NGFR: variants seen among roughly 807,000 people sequenced by gnomAD.
NGFR encodes the protein tumor necrosis factor receptor superfamily member 16.
In NGFR, 30 loss-of-function variants were observed where a neutral mutation model predicts 43.2. That is an observed-to-expected ratio of 0.69 (90% confidence interval 0.52 to 0.94). The LOEUF (loss-of-function observed/expected upper bound fraction) is 0.94. Among genes scored for constraint, NGFR ranks in the 40% least tolerant of loss-of-function variants. NGFR has a pLI of 0.00. For missense variants in NGFR, 529 were observed against 602.5 expected (o/e 0.88, Z 1.28); for synonymous variants, 246 against 259.6 (o/e 0.95, Z 0.50).
At chr17:49,502,941 G>T (rs2071176675) in intron 2 of NGFR, among the ~76,000 whole-genome samples, 1 of 145,336 alleles carries the variant, frequency 6.9e-6, no homozygotes, top group Non-Finnish European at 1.5e-5. Context: ...CTTCAACAGA[G>T]TTTTGCTCTG....
In NGFR at chr17:49,509,432, C is replaced by T. The variant is rs941333960; in HGVS notation, c.569-980C>T. Among the ~76,000 whole-genome samples, 9 of 152,198 alleles carry T rather than the reference C, an allele frequency of 5.9e-5. No homozygotes were observed. The East Asian group carries it at 1.2e-3, about 20-fold the overall frequency. ...ATTGCCCAGACAAGTATCCCCAGGC[C>T]GTCCAGAGCCCACAACCCCTAGCAC... On this transcript the variant is annotated intron_variant, in intron 3 of 5. Transcript: ENST00000172229.
intron 1 of NGFR, among the ~76,000 whole-genome samples, chr17:49,501,157 G>A (rs1040374851): frequency 3.9e-5 from 6 of 152,148 alleles, no homozygotes; most frequent in South Asian, 2.1e-4. Flanking sequence ...TTACATCCAC[G>A]AGCAAAGATG....
In NGFR at chr17:49,495,332, G is replaced by T. The variant is rs547890128; in HGVS notation, c.-86G>T. The T allele has an allele frequency of 3.6e-4, 383 of 1,076,594 alleles. 2 individuals carry two copies. The East Asian group carries it at 0.012, about 34-fold the overall frequency. 66.7% of individuals were successfully genotyped at this position (1,076,594 alleles called of 1,614,324 possible). ...CGCGGCCAGCTCCGGCGGGCAGGGG[G>T]GGCGCTGGAGCGCAGCGCAGCGCAG... is the stretch of plus-strand genomic sequence containing the variant. On this transcript the variant is annotated 5_prime_UTR_variant, in exon 1 of 6. Transcript: ENST00000172229. This position sits in a 1 kb window ranked among gnomAD's most constrained non-coding sequence, Gnocchi z 6.4.
chr17:49,502,018 C>CCCCCAA, intron 1 of NGFR, 45 bp from the exon 2 acceptor site: 1 of 1,320,364 alleles, frequency 7.6e-7, no homozygotes, highest in African/African-American at 1.5e-5. Context: ...CAACCCACCC[C>CCCCCAA]AGCTTTCTCT....
In NGFR at chr17:49,513,099, G is replaced by A. The variant is rs1399409276; in HGVS notation, c.*90G>A. The A allele has an allele frequency of 4.4e-6, 6 of 1,364,786 alleles. No individual in the cohort carries two copies. Among genetic ancestry groups the A allele is most frequent in the Non-Finnish European group, 5.8e-6 (6 of 1,034,508 alleles). 84.5% of individuals were successfully genotyped at this position (1,364,786 alleles called of 1,614,324 possible). On this transcript the variant is annotated 3_prime_UTR_variant, in exon 6 of 6. Transcript: ENST00000172229. ...GGAGCCCGCACCCCCACCCTTTGGG[G>A]GGGGCCCGCCTGGCAGAACTGAGCT...
intron 2 of NGFR, 149 bp downstream of exon 2, chr17:49,502,353 A>G: frequency 1.2e-6 from 1 of 830,654 alleles, no homozygotes; most frequent in African/African-American, 1.7e-5. Flanking sequence ...GACCCAGTGT[A>G]GGAGGCGCTT....
Position 49,502,824 on chromosome 17 carries a change from C to CTTCCT in NGFR, c.208+622_208+626dup, listed in dbSNP as rs1307564903. Among the ~76,000 whole-genome samples, 427 of 119,468 alleles carry CTTCCT rather than the reference C, an allele frequency of 3.6e-3. 2 individuals carry two copies. The highest frequency in any genetic ancestry group is 0.013 in the African/African-American group (398 of 31,152). 78.4% of individuals were successfully genotyped at this position (119,468 alleles called of 152,430 possible). A position where few individuals can be genotyped will look rare whatever the true frequency, so the allele number is the denominator to read the frequency against. On this transcript the variant is annotated intron_variant, in intron 2 of 5. Transcript: ENST00000172229. ...ATTCCTGCCTGGGATTTCTTCCTTC[C>CTTCCT]TTCCTTCCTTCCTTCCTTCCTTCCT...
chr17:49,511,064 A>G (rs11466157), intron 4 of NGFR: 3,080 of 167,736 alleles, frequency 0.018, 106 homozygotes, highest in African/African-American at 0.07. Flanking sequence ...CAGGATGTGC[A>G]CGAACTCCCA....
In NGFR at chr17:49,512,565, C is replaced by A. The variant is rs2071240455; in HGVS notation, c.983-143C>A. 3.7e-6 allele frequency: 4 copies of A among 1,070,608 alleles called. No homozygotes were observed. The highest frequency in any genetic ancestry group is 5.4e-6 in the Non-Finnish European group (4 of 745,024). 66.3% of individuals were successfully genotyped at this position (1,070,608 alleles called of 1,614,324 possible). ...CCCCAGGTGCCTTCACTTCCTGGTG[C>A]CCCACCCAGGACCTTGTCTTGGCCC... On this transcript the variant is annotated intron_variant, in intron 5 of 5. Transcript: ENST00000172229. The surrounding 1 kb of genome is among the most constrained non-coding windows in gnomAD (Gnocchi z 5.2).
intron 1 of NGFR, among the ~76,000 whole-genome samples, chr17:49,500,505 G>A (rs565375390): frequency 6.6e-6 from 1 of 152,216 alleles, no homozygotes; most frequent in South Asian, 2.1e-4. Context: ...AGAACAGGCT[G>A]GATGCGTAAC....
intron 2 of NGFR, among the ~76,000 whole-genome samples, chr17:49,503,919 G>A (rs767766016): frequency 9.2e-5 from 14 of 152,152 alleles, no homozygotes; most frequent in African/African-American, 1.4e-4. Context: ...GAGGTGGGGC[G>A]GAGGACACCA....
At chr17:49,500,287 G>A (rs2071160312) in intron 1 of NGFR, among the ~76,000 whole-genome samples, 1 of 152,190 alleles carries the variant, frequency 6.6e-6, no homozygotes, top group South Asian at 2.1e-4. Flanking sequence ...TGGAATCTCG[G>A]CTAACCAACA....
chr17:49,506,682 G>GCCCC, intron 3 of NGFR, 24 bp downstream of exon 3: 1 of 1,174,394 alleles, frequency 8.5e-7, no homozygotes, highest in Non-Finnish European at 1.1e-6. Context: ...GGGGGGCGGG[G>GCCCC]GGAGTGGGGG....
intron 3 of NGFR, among the ~76,000 whole-genome samples, chr17:49,508,098 A>C (rs2071210285): frequency 2.0e-5 from 3 of 152,214 alleles, no homozygotes; most frequent in African/African-American, 7.2e-5. Context: ...AGAAGGAATG[A>C]GGAGTAGGAT....
intron 1 of NGFR, 118 bp from the exon 2 acceptor site, chr17:49,501,945 C>A: frequency 9.5e-7 from 1 of 1,057,652 alleles, no homozygotes; most frequent in Non-Finnish European, 1.3e-6. Flanking sequence ...CTCATCCCAG[C>A]CCAGGTGGTT....
chr17:49,506,500 C>G lies in NGFR; in HGVS notation c.410C>G (p.Ser137Cys), dbSNP rs1372735308. The change falls in exon 3 of 6, where the codon TCC (serine) becomes TGC (cysteine). Residue 137 changes from serine (S) to cysteine (C), a missense_variant. Transcript: ENST00000172229. The part of the protein sequence containing the change: ...VCEAGSGLVF[S>C]CQDKQNTVCE... ...GAGGCGGGCTCGGGCCTCGTGTTCT[C>G]CTGCCAGGACAAGCAGAACACCGTG... The G allele has an allele frequency of 3.1e-6, 5 of 1,611,346 alleles. No individual in the cohort carries two copies. In the African/African-American group the frequency reaches 6.7e-5, roughly 22 times the overall value.
chr17:49,504,356 C>T (rs1252093097), intron 2 of NGFR, among the ~76,000 whole-genome samples: 1 of 152,178 alleles, frequency 6.6e-6, no homozygotes, highest in Non-Finnish European at 1.5e-5. Context: ...CTCAGACATC[C>T]TGCCTTTGCT....
rs1249892826 is a variant in NGFR, at chr17:49,512,373, G to C, written c.982+321G>C. Among the ~76,000 whole-genome samples, 1 of 152,218 alleles carries C rather than the reference G, an allele frequency of 6.6e-6. No homozygotes were observed. On this transcript the variant is annotated intron_variant, in intron 5 of 5. Coordinates refer to ENST00000172229, the MANE Select transcript of NGFR (RefSeq NM_002507.4). This position sits in a 1 kb window ranked among gnomAD's most constrained non-coding sequence, Gnocchi z 5.2. Reference sequence around the variant, plus strand: ...TTCTGGGGAACAAGTAGTTAAGTGTGTACCCTAATTAGTGGCCCATAGCCC... The same window carrying C: ...TTCTGGGGAACAAGTAGTTAAGTGTCTACCCTAATTAGTGGCCCATAGCCC...
chr17:49,501,970 T>G, intron 1 of NGFR, 93 bp from the exon 2 acceptor site: 2 of 1,314,504 alleles, frequency 1.5e-6, no homozygotes, highest in South Asian at 3.1e-5. Flanking sequence ...TAGAAGGCAG[T>G]GGGAGGAGGG....
Sources: allele counts gnomAD v4.1 joint callset (sites outside exome capture counted in the v4.1 genomes callset), GRCh38; gene constraint gnomAD v4.1.1; non-coding constraint Gnocchi (gnomAD v3.1); transcripts MANE v1.5; gene names NCBI Gene and HGNC (gene_info 2026-07-23, HGNC 2026-07-21).